The following CTBP1 variants were observed in gnomAD, a reference collection of about 807,000 sequenced individuals.
CTBP1 encodes the protein C-terminal-binding protein 1.
In CTBP1, 11 loss-of-function variants were observed where a neutral mutation model predicts 42.1. That is an observed-to-expected ratio of 0.26 (90% CI 0.16 to 0.43). The LOEUF (loss-of-function observed/expected upper bound fraction) is 0.43, where lower values mean the gene tolerates loss of function less well. CTBP1 is among the 20% of genes least tolerant of loss of function. CTBP1 has a pLI of 1.00. For synonymous variants in CTBP1, 324 were observed against 277.1 expected, an observed-to-expected ratio of 1.17 and a Z score of -1.68; for missense variants, 399 against 624.3, an observed-to-expected ratio of 0.64 and a Z score of 3.85.
In CTBP1 at chr4:1,230,531, G is replaced by A. The variant is rs377584696; in HGVS notation, c.163-2188C>T. Among the ~76,000 whole-genome samples the A allele has an allele frequency of 1.5e-3, 235 of 152,290 alleles. 1 individual carries two copies. The highest frequency in any genetic ancestry group is 5.4e-3 in the African/African-American group (226 of 41,546). ...CAGGCCTGGTGCCAGACGTGAGCCC[G>A]GGGGGCTGGCCTGGGCAGCTGGATG... is the stretch of plus-strand genomic sequence containing the variant. On this transcript the variant is annotated intron_variant, in intron 3 of 9. Transcript: ENST00000382952.
rs1460760344 is a variant in CTBP1 at position 1,233,809 on chromosome 4, T to C, written c.162+4374A>G. 6.6e-6 allele frequency among the ~76,000 whole-genome samples: 1 copy of C among 152,194 alleles called. No homozygotes were observed. The highest frequency in any genetic ancestry group is 1.5e-5 in the Non-Finnish European group (1 of 68,032). On this transcript the variant is annotated intron_variant, in intron 3 of 9. Transcript: ENST00000382952. The surrounding 1 kb of genome is among the most constrained non-coding windows in gnomAD (Gnocchi z 4.6). Reference sequence around the variant, plus strand: ...CAGACGGCGGCGACCTCCAACCAGCTATGCGGGAAGTTTCTGCCCCAGGAG... The same window carrying C: ...CAGACGGCGGCGACCTCCAACCAGCCATGCGGGAAGTTTCTGCCCCAGGAG...
chr4:1,214,275 C>G (rs899202589), intron 7 of CTBP1, 68 bp downstream of exon 7: 1 of 1,469,688 alleles, frequency 6.8e-7, no homozygotes, highest in Non-Finnish European at 9.0e-7. Flanking sequence ...GAGGCGCCGT[C>G]TGGAGGTCAA....
In CTBP1 at chr4:1,242,501, G is replaced by A. The variant is rs890930382; in HGVS notation, c.-188-982C>T. The A allele has an allele frequency of 2.2e-5, 22 of 984,956 alleles. No homozygotes were observed. In the African/African-American group the frequency reaches 3.7e-4, roughly 17 times the overall value. The allele number at this position is 984,956 out of a possible 1,614,324, so 61.0% of individuals were successfully genotyped here. A position where few individuals can be genotyped will look rare whatever the true frequency, so the allele number is the denominator to read the frequency against. Reference sequence around the variant, plus strand: ...GAGGCCGCCCCTGCGCAGAGGCCTCGCAGACAAATCTCCAACCCTCAACTC... The same window carrying A: ...GAGGCCGCCCCTGCGCAGAGGCCTCACAGACAAATCTCCAACCCTCAACTC... On this transcript the variant is annotated intron_variant, in intron 1 of 9. Transcript: ENST00000382952.
chr4:1,239,310 G>A (rs1375295699), intron 2 of CTBP1, among the ~76,000 whole-genome samples: 1 of 152,208 alleles, frequency 6.6e-6, no homozygotes, highest in Non-Finnish European at 1.5e-5. Context: ...CGGCAGCTGG[G>A]CAGAGGCGGA....
intron 1 of CTBP1, chr4:1,242,353 G>A: frequency 1.0e-6 from 1 of 985,418 alleles, no homozygotes; most frequent in Non-Finnish European, 1.2e-6. Flanking sequence ...GCTGACATCA[G>A]GCTGACCAGG....
intron 1 of CTBP1, chr4:1,245,002 A>C: frequency 1.0e-6 from 1 of 985,466 alleles, no homozygotes; most frequent in South Asian, 4.7e-5. Context: ...CCCAAGAGGG[A>C]GCCGCACAGC....
intron 3 of CTBP1, among the ~76,000 whole-genome samples, chr4:1,232,558 C>T (rs1731067474): frequency 1.3e-5 from 2 of 152,268 alleles, no homozygotes; most frequent in East Asian, 1.9e-4. Context: ...GTGATCCACC[C>T]GCCTCAGCCT....
chr4:1,243,183 G>A (rs998763733), intron 1 of CTBP1: 6 of 985,316 alleles, frequency 6.1e-6, no homozygotes, highest in Non-Finnish European at 6.0e-6. Context: ...CGCTGCTCCT[G>A]GAGGATCATC....
intron 5 of CTBP1, among the ~76,000 whole-genome samples, chr4:1,224,997 G>A (rs1371585620): frequency 2.6e-5 from 4 of 151,980 alleles, no homozygotes; most frequent in South Asian, 2.1e-4. Flanking sequence ...TGTGACATCC[G>A]TGTGTTATCT....
intron 7 of CTBP1, 151 bp downstream of exon 7, chr4:1,214,192 C>G: frequency 9.5e-7 from 1 of 1,056,498 alleles, no homozygotes; most frequent in Non-Finnish European, 1.3e-6. Flanking sequence ...CATCCTCACC[C>G]CGCAGCGGGC....
chr4:1,238,161 C>G lies in CTBP1; in HGVS notation c.162+22G>C. The G allele has an allele frequency of 6.2e-7, 1 of 1,612,432 alleles. No homozygotes were observed. Among genetic ancestry groups the G allele is most frequent in the Non-Finnish European group, 8.5e-7 (1 of 1,179,528 alleles). On this transcript the variant is annotated intron_variant, in intron 3 of 9. Coordinates refer to ENST00000382952, the MANE Select transcript of CTBP1 (RefSeq NM_001012614.2). The surrounding 1 kb of genome is among the most constrained non-coding windows in gnomAD (Gnocchi z 5.9). The stretch of plus-strand genomic sequence containing the variant: ...CCCCCAACGTGCGGTTCTGCCAGCC[C>G]CAGGCGACCACGTGGTGGTACCTTC...
chr4:1,245,287 T>C (rs998395673), intron 1 of CTBP1: 13 of 985,282 alleles, frequency 1.3e-5, no homozygotes, highest in African/African-American at 3.5e-5. Flanking sequence ...GCAAGATTCC[T>C]CTCCAGGACA....
chr4:1,239,135 G>A (rs921936964), intron 2 of CTBP1, among the ~76,000 whole-genome samples: 1 of 152,270 alleles, frequency 6.6e-6, no homozygotes, highest in African/African-American at 2.4e-5. Flanking sequence ...GATGATTAAA[G>A]CTCATTAACA....
intron 3 of CTBP1, among the ~76,000 whole-genome samples, chr4:1,230,358 G>A (rs1321580618): frequency 6.6e-6 from 1 of 152,216 alleles, no homozygotes; most frequent in African/African-American, 2.4e-5. Context: ...ACACCAAGGA[G>A]GTGCTTCGGG....
intron 1 of CTBP1, among the ~76,000 whole-genome samples, chr4:1,248,496 G>A (rs905971373): frequency 1.3e-5 from 2 of 150,520 alleles, no homozygotes; most frequent in African/African-American, 2.4e-5. Flanking sequence ...CACGGCTCCC[G>A]CCCCATCCCG....
At chr4:1,225,044 CGT>C (rs938474941) in intron 5 of CTBP1, among the ~76,000 whole-genome samples, 2 of 151,488 alleles carry the variant, frequency 1.3e-5, no homozygotes, top group African/African-American at 4.9e-5. Context: ...CTGTGACGTC[CGT>C]GTGTGTTATC....
At chr4:1,241,576 C>T in intron 1 of CTBP1, 57 bp from the exon 2 acceptor site, 1 of 1,506,752 alleles carries the variant, frequency 6.6e-7, no homozygotes, top group Non-Finnish European at 8.9e-7. Flanking sequence ...GACCAGAACT[C>T]ACAGACTCCA....
Position 1,212,287 on chromosome 4 carries a change from T to C in CTBP1, c.1243A>G (p.Thr415Ala), listed in dbSNP as rs1332906108. Residue 415 changes from threonine (T) to alanine (A), a missense_variant, in exon 10 of 10, where the codon ACC becomes GCC. Physicochemically the swap from Thr to Ala is moderately conservative, Grantham distance 58. This residue lies in a region of CTBP1 where 60 missense variants were observed against 46.5 expected (regional missense o/e 1.29). Coordinates refer to ENST00000382952, the MANE Select transcript of CTBP1 (RefSeq NM_001012614.2). Reference protein sequence around the residue: ...HPPHAPSPGQTVKPEADRDHA... With the variant: ...HPPHAPSPGQAVKPEADRDHA... ...TCTCTATCCGCCTCGGGCTTGACGG[T>C]TTGGCCAGGAGAAGGGGCGTGGGGC... 1 of 1,534,974 alleles carries C rather than the reference T, an allele frequency of 6.5e-7. No homozygotes were observed. The highest frequency in any genetic ancestry group is 8.7e-7 in the Non-Finnish European group (1 of 1,143,428).
rs756703861 is a variant in CTBP1, at chr4:1,238,040, G to A, written c.162+143C>T. On this transcript the variant is annotated intron_variant, in intron 3 of 9. Coordinates refer to ENST00000382952, the MANE Select transcript of CTBP1 (RefSeq NM_001012614.2). This position sits in a 1 kb window ranked among gnomAD's most constrained non-coding sequence, Gnocchi z 5.9. ...AGGGAAAACCCCGTGTCCACCTCCT[G>A]ACGGCGCGGGACGACTGGGACAGAG... 4.5e-6 allele frequency: 5 copies of A among 1,116,696 alleles called. No individual in the cohort carries two copies. Among genetic ancestry groups the A allele is most frequent in the Admixed American group, 1.7e-5 (1 of 58,570 alleles). The allele number at this position is 1,116,696 out of a possible 1,614,324, so 69.2% of individuals were successfully genotyped here.
Sources: gnomAD v4.1 joint callset for allele counts (sites outside exome capture counted in the v4.1 genomes callset) on GRCh38, gnomAD v4.1.1 for gene constraint, gnomAD v4.1.1 regional missense constraint, Gnocchi (gnomAD v3.1) non-coding constraint, MANE v1.5 for transcripts, NCBI Gene and HGNC (gene_info 2026-07-23, HGNC 2026-07-21) for gene names.